DYSF: variants seen among roughly 807,000 people sequenced by gnomAD.
DYSF encodes dystrophy-associated fer-1-like 1.
A neutral mutation model predicts 274.9 loss-of-function variants in DYSF; 212 were observed. That is an observed-to-expected ratio of 0.77 (90% CI 0.69 to 0.86). DYSF has a LOEUF of 0.86. DYSF is among the 40% of genes least tolerant of loss of function. DYSF has a pLI of 0.00. For missense variants in DYSF, 2,666 were observed against 2,783.2 expected, an observed-to-expected ratio of 0.96 and a Z score of 0.95; for synonymous variants, 1,091 against 1,078.7, an observed-to-expected ratio of 1.01 and a Z score of -0.22.
At chr2:71,462,199 G>A (rs1251594355), upstream of DYSF, among the ~76,000 whole-genome samples, 1 of 152,220 alleles carries the variant, frequency 6.6e-6, no homozygotes, top group East Asian at 1.9e-4. Context: ...GGGTGTGTGA[G>A]TGAGTGCAGG....
intron 41 of DYSF, among the ~76,000 whole-genome samples, chr2:71,638,602 A>G (rs1378610419): frequency 6.6e-6 from 1 of 152,322 alleles, no homozygotes; most frequent in East Asian, 1.9e-4. Context: ...TTGTGATTAA[A>G]TTCTTTCACT....
At chr2:71,568,584 CAG>C (rs1382216185) in intron 26 of DYSF, among the ~76,000 whole-genome samples, 1 of 146,602 alleles carries the variant, frequency 6.8e-6, no homozygotes, top group Admixed American at 6.8e-5. Flanking sequence ...TTTTTTGAGA[CAG>C]AGTCTCACTC....
At chr2:71,520,247 G>A (rs1354893986) in intron 11 of DYSF, 39 bp downstream of exon 11, 1 of 1,612,788 alleles carries the variant, frequency 6.2e-7, no homozygotes, top group Non-Finnish European at 8.5e-7. Flanking sequence ...TTGCATTTTG[G>A]TTCTGGAGGC....
intron 41 of DYSF, among the ~76,000 whole-genome samples, chr2:71,626,426 C>T (rs892418318): frequency 3.0e-5 from 4 of 132,026 alleles, no homozygotes; most frequent in Non-Finnish European, 6.6e-5. Flanking sequence ...ATATATAATA[C>T]ATAATTATAT....
rs1299723799 is a variant in DYSF at position 71,553,136 on chromosome 2, G to A, written c.1932G>A (p.Met644Ile). The change falls in exon 20 of 56, where the codon ATG (methionine) becomes ATA (isoleucine). Residue 644 changes from methionine (M) to isoleucine (I), a missense_variant. Coordinates refer to ENST00000410020, the MANE Select transcript of DYSF (RefSeq NM_001130987.2). ...SIGNYGNKFD[M>I]TCLPLASTTQ... is the part of the protein sequence containing the mutation. ...GGAACTACGGGAACAAGTTCGACAT[G>A]ACCTGCCTGCCGCTGGCCTCCACCA... The A allele has an allele frequency of 6.2e-7, 1 of 1,613,950 alleles. No homozygotes were observed. Among genetic ancestry groups the A allele is most frequent in the Non-Finnish European group, 8.5e-7 (1 of 1,180,036 alleles).
intron 45 of DYSF, 50 bp downstream of exon 45, chr2:71,660,701 C>A (rs1490199264): frequency 2.7e-6 from 4 of 1,505,182 alleles, no homozygotes; most frequent in Admixed American, 3.4e-5. Flanking sequence ...GACAGGATAA[C>A]CCACAGTCTA....
Position 71,674,297 on chromosome 2 carries a change from G to C in DYSF, c.5884+1G>C. 6.2e-7 allele frequency: 1 copy of C among 1,614,118 alleles called. No homozygotes were observed. The highest frequency in any genetic ancestry group is 8.5e-7 in the Non-Finnish European group (1 of 1,179,922). On this transcript the variant is annotated splice_donor_variant, in intron 52 of 55. Transcript: ENST00000410020. LOFTEE classifies it high-confidence loss of function. ...AAGTTCTCCTTTGATGATTTTCTGG[G>C]TAAGCGCTATTGCTAGAATCCCATT...
intron 21 of DYSF, 57 bp downstream of exon 21, chr2:71,553,988 C>T: frequency 6.2e-7 from 1 of 1,612,204 alleles, no homozygotes; most frequent in East Asian, 2.2e-5. Flanking sequence ...GCTACCCCCG[C>T]TGCATGGGGT....
chr2:71,499,038 TA>T (rs1414190954), intron 3 of DYSF, among the ~76,000 whole-genome samples: 1 of 152,256 alleles, frequency 6.6e-6, no homozygotes, highest in African/African-American at 2.4e-5. Flanking sequence ...TAAGAAGTTG[TA>T]AAAACAGAAA....
chr2:71,538,799 C>T (rs2089639363), intron 16 of DYSF, among the ~76,000 whole-genome samples: 1 of 152,192 alleles, frequency 6.6e-6, no homozygotes, highest in Non-Finnish European at 1.5e-5. Context: ...GGGAACCTGG[C>T]TCCCTGAACA....
intron 38 of DYSF, 119 bp from the exon 39 acceptor site, chr2:71,612,522 T>G: frequency 2.0e-6 from 3 of 1,484,642 alleles, no homozygotes; most frequent in Non-Finnish European, 2.8e-6. Context: ...CAGCCACCAT[T>G]TTGGATTTCT....
At chr2:71,589,565 T>C (rs1421428750) in intron 30 of DYSF, 28 bp from the exon 31 acceptor site, 3 of 1,605,820 alleles carry the variant, frequency 1.9e-6, no homozygotes, top group Non-Finnish European at 2.6e-6. Flanking sequence ...GGGGGCAGAA[T>C]CTGCCATAAC....
chr2:71,619,823 C>T (rs931677176), intron 40 of DYSF, among the ~76,000 whole-genome samples: 1 of 152,210 alleles, frequency 6.6e-6, no homozygotes, highest in African/African-American at 2.4e-5. Context: ...GTAGTGGTCT[C>T]TGAACAAGTC....
intron 42 of DYSF, among the ~76,000 whole-genome samples, chr2:71,650,452 G>A (rs560200021): frequency 6.6e-6 from 1 of 152,122 alleles, no homozygotes; most frequent in South Asian, 2.1e-4. Context: ...CTGCACTCCA[G>A]CCTGGGTGAC....
intron 1 of DYSF, among the ~76,000 whole-genome samples, chr2:71,472,582 A>G (rs991970217): frequency 2.6e-5 from 4 of 151,946 alleles, no homozygotes; most frequent in Admixed American, 2.6e-4. Context: ...AATTTTTTGT[A>G]TTTTTAGTAG....
intron 36 of DYSF, among the ~76,000 whole-genome samples, chr2:71,610,536 C>A (rs564662710): frequency 6.6e-6 from 1 of 152,196 alleles, no homozygotes; most frequent in Non-Finnish European, 1.5e-5. Flanking sequence ...TTGAGGATTC[C>A]TGCCCAACTC....
At position 71,615,515 on chromosome 2, in the gene DYSF, G is replaced by A. The variant is rs1039345847; in HGVS notation, c.4464+2105G>A. ...AGGGAGACCAGTTCTGTTCTGCAGG[G>A]AGCCCTGGCCCTCTGGGGAAGCCCC... On this transcript the variant is annotated intron_variant, in intron 40 of 55. Coordinates refer to ENST00000410020, the MANE Select transcript of DYSF (RefSeq NM_001130987.2). This position sits in a 1 kb window ranked among gnomAD's most constrained non-coding sequence, Gnocchi z 4.9. Among the ~76,000 whole-genome samples the A allele has an allele frequency of 3.3e-5, 5 of 152,146 alleles. No homozygotes were observed. Among genetic ancestry groups the A allele is most frequent in the Admixed American group, 3.3e-4 (5 of 15,286 alleles).
rs572100752 is a variant in DYSF at position 71,652,041 on chromosome 2, G to A, written c.4627-4121G>A. Among the ~76,000 whole-genome samples, 5 of 152,276 alleles carry A rather than the reference G, an allele frequency of 3.3e-5. No individual in the cohort carries two copies. In the South Asian group the frequency reaches 8.3e-4, roughly 25 times the overall value. On this transcript the variant is annotated intron_variant, in intron 42 of 55. Transcript: ENST00000410020. ...GCTAACAGCCAACATCCAACTTCAT[G>A]ACTTCAGAAGGTTTCTTTACTGTAG...
At chr2:71,604,168 G>C (rs1372604289) in intron 36 of DYSF, among the ~76,000 whole-genome samples, 1 of 152,232 alleles carries the variant, frequency 6.6e-6, no homozygotes, top group East Asian at 1.9e-4. Context: ...CTGGTCCAGG[G>C]ACCAGCCCCA....
Sources: allele counts gnomAD v4.1 joint callset (sites outside exome capture counted in the v4.1 genomes callset), GRCh38; gene constraint gnomAD v4.1.1; non-coding constraint Gnocchi (gnomAD v3.1); transcripts MANE v1.5; gene names NCBI Gene and HGNC (gene_info 2026-07-23, HGNC 2026-07-21).